FAM81B: variants seen among roughly 807,000 people sequenced by gnomAD.
The protein encoded by FAM81B is family with sequence similarity 81 member B, also known as protein FAM81B.
A neutral mutation model predicts 58.7 loss-of-function variants in FAM81B; 60 were observed. That is an observed-to-expected ratio of 1.02 (90% CI 0.83 to 1.27). FAM81B has a LOEUF of 1.27. Among genes scored for constraint, FAM81B ranks in the 50% most tolerant of loss-of-function variants. The pLI is 0.00. For synonymous variants in FAM81B, 189 were observed against 179.6 expected (o/e 1.05, Z -0.42); for missense variants, 491 against 522.0 (o/e 0.94, Z 0.58).
chr5:95,427,462 G>T (rs72781475), intron 5 of FAM81B, among the ~76,000 whole-genome samples: 2,467 of 152,196 alleles, frequency 0.016, 34 homozygotes, highest in Non-Finnish European at 0.027. Context: ...TTTTAAGGGT[G>T]ATACTAAAGG....
intron 4 of FAM81B, among the ~76,000 whole-genome samples, chr5:95,417,098 G>T (rs1027868179): frequency 1.4e-4 from 22 of 152,214 alleles, no homozygotes; most frequent in African/African-American, 4.8e-4. Flanking sequence ...TCTGCGTTTG[G>T]ATTATTTCCA....
chr5:95,441,351 A>C (rs1745337188), intron 7 of FAM81B, among the ~76,000 whole-genome samples: 1 of 152,134 alleles, frequency 6.6e-6, no homozygotes, highest in Non-Finnish European at 1.5e-5. Flanking sequence ...CGGGCAGATC[A>C]CGAGATCAAG....
intron 3 of FAM81B, among the ~76,000 whole-genome samples, chr5:95,403,012 T>A (rs1270907739): frequency 6.6e-6 from 1 of 152,226 alleles, no homozygotes; most frequent in Non-Finnish European, 1.5e-5. Context: ...CTACAGAACT[T>A]GAGAGCTCAT....
At chr5:95,433,261 G>GA (rs111481778) in intron 6 of FAM81B, among the ~76,000 whole-genome samples, 35,837 of 151,914 alleles carry the variant, frequency 0.24, 5,773 homozygotes, top group African/African-American at 0.46. Flanking sequence ...AAAGGTGAAG[G>GA]GTAGCAAAGG....
intron 6 of FAM81B, among the ~76,000 whole-genome samples, chr5:95,431,864 C>T (rs1744908539): frequency 6.6e-6 from 1 of 151,990 alleles, no homozygotes; most frequent in Non-Finnish European, 1.5e-5. Flanking sequence ...TCCCCAAGAA[C>T]ACAATCATAT....
In FAM81B at chr5:95,436,425, T is replaced by C. The variant is rs144075930; in HGVS notation, c.787-375T>C. 3.9e-4 allele frequency among the ~76,000 whole-genome samples: 60 copies of C among 152,298 alleles called. 1 individual carries two copies. Among genetic ancestry groups the C allele is most frequent in the Admixed American group, 1.8e-3 (28 of 15,304 alleles). The stretch of plus-strand genomic sequence containing the variant: ...CACTGAGGATATGGTGGTAATAGCA[T>C]ACCATATCTTGTATTGTAACGGGAG... On this transcript the variant is annotated intron_variant, in intron 6 of 9. Transcript: ENST00000283357.
Position 95,450,424 on chromosome 5 carries a change from A to C in FAM81B, c.*142A>C. 7.2e-6 allele frequency: 10 copies of C among 1,380,308 alleles called. No individual in the cohort carries two copies. The highest frequency in any genetic ancestry group is 5.2e-5 in the East Asian group (2 of 38,202). The allele number at this position is 1,380,308 out of a possible 1,614,324, so 85.5% of individuals were successfully genotyped here. ...AGACGAATGTACCAGAAAAATAATA[A>C]AGCAAAGAAGCTTCGGATGTCTTGA... is the stretch of plus-strand genomic sequence containing the variant. On this transcript the variant is annotated 3_prime_UTR_variant, in exon 10 of 10. Transcript: ENST00000283357.
At position 95,445,423 on chromosome 5, in the gene FAM81B, C is replaced by T. The variant is rs190544550; in HGVS notation, c.894-1139C>T. Among the ~76,000 whole-genome samples the T allele has an allele frequency of 6.7e-3, 1,013 of 152,268 alleles. 6 individuals are homozygous for T. Among genetic ancestry groups the T allele is most frequent in the Non-Finnish European group, 0.011 (723 of 67,998 alleles). On this transcript the variant is annotated intron_variant, in intron 7 of 9. Transcript: ENST00000283357. ...CCACTCACAAGTCCCCATCCCTCATCCTACCTCTTCCCAGTCCCATACCTC... is the reference window on the plus strand; with the variant it reads ...CCACTCACAAGTCCCCATCCCTCATTCTACCTCTTCCCAGTCCCATACCTC...
At chr5:95,393,138 A>T (rs1010864282) in intron 2 of FAM81B, among the ~76,000 whole-genome samples, 4 of 152,194 alleles carry the variant, frequency 2.6e-5, no homozygotes, top group African/African-American at 9.6e-5. Context: ...TAAGTTGATC[A>T]TTATGTATGT....
At chr5:95,392,386 A>G (rs533095445) in intron 1 of FAM81B, among the ~76,000 whole-genome samples, 22 of 152,284 alleles carry the variant, frequency 1.4e-4, no homozygotes, top group Admixed American at 7.8e-4. Flanking sequence ...TAGTATTAGG[A>G]GAAATACCTA....
At chr5:95,418,395 G>GA (rs200518290) in intron 4 of FAM81B, among the ~76,000 whole-genome samples, 38 of 149,068 alleles carry the variant, frequency 2.5e-4, no homozygotes, top group Middle Eastern at 3.5e-3. Flanking sequence ...ACTTAATAAG[G>GA]AAAAAAAAAA....
At chr5:95,416,279 A>G (rs1762537504) in intron 4 of FAM81B, among the ~76,000 whole-genome samples, 1 of 152,226 alleles carries the variant, frequency 6.6e-6, no homozygotes, top group Non-Finnish European at 1.5e-5. Context: ...GGCTATCAAG[A>G]TCAATTCAAG....
intron 9 of FAM81B, among the ~76,000 whole-genome samples, chr5:95,449,758 A>G (rs1471495348): frequency 6.6e-6 from 1 of 152,226 alleles, no homozygotes; most frequent in Admixed American, 6.5e-5. Flanking sequence ...ACTTTCAGAG[A>G]AGATTTAAAA....
At chr5:95,437,007 A>G (rs1745131677) in intron 7 of FAM81B, 101 bp downstream of exon 7, 1 of 837,586 alleles carries the variant, frequency 1.2e-6, no homozygotes, top group Non-Finnish European at 1.9e-6. Context: ...AGGAATTTGA[A>G]CCTGGCCAAG....
intron 8 of FAM81B, among the ~76,000 whole-genome samples, chr5:95,447,011 C>T (rs1325061689): frequency 6.6e-6 from 1 of 151,730 alleles, no homozygotes; most frequent in African/African-American, 2.4e-5. Context: ...TTGGGGCCTC[C>T]CCTGGGAATC....
chr5:95,395,232 G>A (rs926585086), intron 2 of FAM81B, among the ~76,000 whole-genome samples: 1 of 152,028 alleles, frequency 6.6e-6, no homozygotes, highest in East Asian at 1.9e-4. Context: ...AAGGTCAGGA[G>A]ATCGAGACCA....
At chr5:95,392,178 A>C (rs1761840491) in intron 1 of FAM81B, among the ~76,000 whole-genome samples, 1 of 152,240 alleles carries the variant, frequency 6.6e-6, no homozygotes, top group Non-Finnish European at 1.5e-5. Flanking sequence ...AGCCATAAAA[A>C]AGGATGAGTT....
Position 95,450,280 on chromosome 5 carries a change from T to C in FAM81B, c.1357T>C (p.Ter453GlnextTer38), listed in dbSNP as rs200730993. 323 of 1,611,574 alleles carry C rather than the reference T, an allele frequency of 2.0e-4. 1 individual carries two copies. The highest frequency in any genetic ancestry group is 1.9e-3 in the South Asian group (171 of 90,362). ...QRKIVELQEV* is the reference protein window; with the variant it reads ...QRKIVELQEVQ ...CAAGATAGTGGAACTCCAGGAAGTA[T>C]AAACCTTTTCAGTCATCTTCTTTTT... Residue 453 changes from the stop codon to glutamine (Q), a stop_lost, in exon 10 of 10, where the codon TAA becomes CAA. Coordinates refer to ENST00000283357, the MANE Select transcript of FAM81B (RefSeq NM_152548.3).
At position 95,413,973 on chromosome 5, in the gene FAM81B, C is replaced by T. The variant is rs747530741; in HGVS notation, c.320C>T (p.Pro107Leu). 6.2e-7 allele frequency: 1 copy of T among 1,613,490 alleles called. No individual in the cohort carries two copies. Among genetic ancestry groups the T allele is most frequent in the South Asian group, 1.1e-5 (1 of 90,930 alleles). ...DKSHAFLPII[P>L]NTQRGQLEDR... ...AGTCATGCTTTTCTCCCCATCATTC[C>T]AAACACCCAGAGAGGTCAGCTAGAA... Residue 107 changes from proline to leucine, a missense_variant, in exon 4 of 10, where the codon CCA (proline) becomes CTA (leucine). By Grantham distance (98) the Pro-to-Leu change is moderately conservative. Transcript: ENST00000283357.
Sources: gnomAD v4.1 joint callset for allele counts (sites outside exome capture counted in the v4.1 genomes callset) on GRCh38, gnomAD v4.1.1 for gene constraint, MANE v1.5 for transcripts, NCBI Gene and HGNC (gene_info 2026-07-23, HGNC 2026-07-21) for gene names.